KCNIP1: variants seen among roughly 807,000 people sequenced by gnomAD.
KCNIP1 encodes A-type potassium channel modulatory protein KCNIP1.
A neutral mutation model predicts 33.0 loss-of-function variants in KCNIP1; 18 were observed. That is an observed-to-expected ratio of 0.55 (90% CI 0.38 to 0.81). The LOEUF (loss-of-function observed/expected upper bound fraction) is 0.81, where lower values mean the gene tolerates loss of function less well. Ranked by LOEUF, KCNIP1 falls within the 30% of genes least tolerant of loss-of-function variation. The probability of loss-of-function intolerance (pLI) is 0.00; values close to 1 mark genes in which losing one functional copy is unlikely to be tolerated. For missense variants in KCNIP1, 238 were observed against 271.6 expected (o/e 0.88, Z 0.87); for synonymous variants, 93 against 98.3 (o/e 0.95, Z 0.32).
chr5:170,606,045 G>A (rs1758904267), intron 1 of KCNIP1, among the ~76,000 whole-genome samples: 2 of 152,146 alleles, frequency 1.3e-5, no homozygotes, highest in South Asian at 4.1e-4. Context: ...AAAGTGGTGG[G>A]ATTACAGGCG....
chr5:170,462,263 G>GCAAAAAAAAAAAAAAAAAAAAAATAA (rs1756518918), intron 1 of KCNIP1, among the ~76,000 whole-genome samples: 1 of 13,696 alleles, frequency 7.3e-5, no homozygotes, highest in Non-Finnish European at 1.4e-4. Flanking sequence ...AAACAAATTA[G>GCAAAAAAAAAAAAAAAAAAAAAATAA]CAAAAAAAAA....
At chr5:170,372,312 G>A (rs1298434531) in intron 1 of KCNIP1, among the ~76,000 whole-genome samples, 3 of 152,064 alleles carry the variant, frequency 2.0e-5, no homozygotes, top group Non-Finnish European at 2.9e-5. Context: ...CAGAGTTTCC[G>A]GGCCCTCTCC....
chr5:170,648,522 C>T (rs900194165), intron 1 of KCNIP1, among the ~76,000 whole-genome samples: 1 of 152,142 alleles, frequency 6.6e-6, no homozygotes, highest in Non-Finnish European at 1.5e-5. Context: ...GTGAAAAAAG[C>T]CAATCATGCT....
intron 1 of KCNIP1, among the ~76,000 whole-genome samples, chr5:170,508,766 A>G (rs752376645): frequency 1.6e-4 from 25 of 152,228 alleles, no homozygotes; most frequent in Non-Finnish European, 2.5e-4. Flanking sequence ...GACCTCACTC[A>G]GCAATTTCCA....
intron 1 of KCNIP1, among the ~76,000 whole-genome samples, chr5:170,714,628 G>A (rs1763581332): frequency 1.3e-5 from 2 of 152,266 alleles, no homozygotes; most frequent in Admixed American, 6.5e-5. Context: ...TCCTGACCCT[G>A]TGTGGGCTCA....
rs144071301 is a variant in KCNIP1 at position 170,402,372 on chromosome 5, C to A, written c.88+48408C>A. ...GAATTAGCCACGATGGACTAACTGC[C>A]GCAACCACCCCAAGGTTTTAATGGT... On this transcript the variant is annotated intron_variant, in intron 1 of 7. Transcript: ENST00000377360. 2.0e-5 allele frequency among the ~76,000 whole-genome samples: 3 copies of A among 152,042 alleles called. No individual in the cohort carries two copies. In the East Asian group the frequency reaches 5.8e-4, roughly 29 times the overall value.
intron 1 of KCNIP1, among the ~76,000 whole-genome samples, chr5:170,597,784 A>AATATATATAT (rs10525595): frequency 1.2e-3 from 158 of 134,272 alleles, no homozygotes; most frequent in African/African-American, 2.4e-3. Context: ...GAGAGAGATA[A>AATATATATAT]ATATATATAT....
intron 1 of KCNIP1, among the ~76,000 whole-genome samples, chr5:170,678,170 G>A (rs1172246621): frequency 6.6e-6 from 1 of 152,230 alleles, no homozygotes. Flanking sequence ...TGAGAAGAAG[G>A]CAGGTTTTCT....
chr5:170,608,313 C>A (rs947736265), intron 1 of KCNIP1, among the ~76,000 whole-genome samples: 2 of 152,228 alleles, frequency 1.3e-5, no homozygotes, highest in African/African-American at 2.4e-5. Context: ...GGCAGCAGAT[C>A]TTTTGGGCTT....
intron 1 of KCNIP1, among the ~76,000 whole-genome samples, chr5:170,470,348 T>C (rs114539224): frequency 0.012 from 1,898 of 152,122 alleles, 14 homozygotes; most frequent in Middle Eastern, 0.024. Context: ...AACATGCCTG[T>C]AACAGAATTG....
At chr5:170,644,662 G>A (rs948098764) in intron 1 of KCNIP1, among the ~76,000 whole-genome samples, 1 of 152,262 alleles carries the variant, frequency 6.6e-6, no homozygotes, top group Non-Finnish European at 1.5e-5. Context: ...CCAGAAAAAT[G>A]GAAGGACCTT....
chr5:170,660,634 A>G (rs1761446497), intron 1 of KCNIP1, among the ~76,000 whole-genome samples: 2 of 152,208 alleles, frequency 1.3e-5, no homozygotes, highest in Non-Finnish European at 2.9e-5. Flanking sequence ...GTCTGCCTCT[A>G]GCGACATGGG....
chr5:170,595,356 G>T (rs1161249787), intron 1 of KCNIP1, among the ~76,000 whole-genome samples: 1 of 152,244 alleles, frequency 6.6e-6, no homozygotes, highest in African/African-American at 2.4e-5. Context: ...CATCAGTGGT[G>T]GGATTGGGAG....
At chr5:170,556,845 G>C (rs1299669683) in intron 1 of KCNIP1, among the ~76,000 whole-genome samples, 1 of 152,222 alleles carries the variant, frequency 6.6e-6, no homozygotes, top group South Asian at 2.1e-4. Flanking sequence ...TCTGCAGTCA[G>C]CTCTAGCTGC....
intron 1 of KCNIP1, among the ~76,000 whole-genome samples, chr5:170,497,795 C>T (rs533054100): frequency 1.3e-5 from 2 of 152,336 alleles, no homozygotes; most frequent in East Asian, 3.9e-4. Context: ...ACACTCCTTG[C>T]AGGATCTGGG....
At chr5:170,465,621 G>A (rs927498169) in intron 1 of KCNIP1, among the ~76,000 whole-genome samples, 2 of 152,028 alleles carry the variant, frequency 1.3e-5, no homozygotes, top group Non-Finnish European at 2.9e-5. Context: ...CCTTCATCAC[G>A]CACACACACA....
chr5:170,520,109 G>A (rs1333570596), intron 1 of KCNIP1, among the ~76,000 whole-genome samples: 1 of 152,220 alleles, frequency 6.6e-6, no homozygotes, highest in Non-Finnish European at 1.5e-5. Context: ...GTGTGCATGT[G>A]TGTAGAGGGA....
chr5:170,469,551 ATCC>A (rs1219098864), intron 1 of KCNIP1, among the ~76,000 whole-genome samples: 2 of 152,004 alleles, frequency 1.3e-5, no homozygotes, highest in African/African-American at 4.8e-5. Flanking sequence ...TCAAGAGTGG[ATCC>A]TCTCACTGTC....
intron 1 of KCNIP1, among the ~76,000 whole-genome samples, chr5:170,700,474 T>A (rs919273993): frequency 2.0e-5 from 3 of 152,218 alleles, no homozygotes; most frequent in Non-Finnish European, 4.4e-5. Context: ...GAGGCTGAGA[T>A]GAAAGGATCA....
Sources: gnomAD v4.1 joint callset for allele counts (sites outside exome capture counted in the v4.1 genomes callset) on GRCh38, gnomAD v4.1.1 for gene constraint, MANE v1.5 for transcripts, NCBI Gene and HGNC (gene_info 2026-07-23, HGNC 2026-07-21) for gene names.